The following CAST variants were observed in gnomAD, a reference collection of about 807,000 sequenced individuals.
The protein encoded by CAST is calpastatin.
CAST carries 76 observed loss-of-function variants against 119.6 expected under a neutral mutation model. The observed-to-expected ratio is 0.64, with a 90% CI of 0.53 to 0.77. The LOEUF is 0.77. Among genes scored for constraint, CAST ranks in the 30% least tolerant of loss-of-function variants. The pLI, the probability that CAST is intolerant of heterozygous loss-of-function variation, is 0.00. For synonymous variants in CAST, 319 were observed against 331.6 expected (o/e 0.96, Z 0.41); for missense variants, 953 against 946.5 (o/e 1.01, Z -0.09).
At chr5:96,764,216 G>C (rs1220835285) in intron 25 of CAST, among the ~76,000 whole-genome samples, 1 of 152,100 alleles carries the variant, frequency 6.6e-6, no homozygotes, top group Non-Finnish European at 1.5e-5. Flanking sequence ...TTTACCATTT[G>C]TTGGGTCCTA....
chr5:96,459,665 T>C, the CAST span, among the ~76,000 whole-genome samples: 1 of 152,148 alleles, frequency 6.6e-6, no homozygotes, highest in Non-Finnish European at 1.5e-5. Flanking sequence ...GCAGAATAAT[T>C]AAGAAATAAT....
intron 1 of CAST, among the ~76,000 whole-genome samples, chr5:96,621,550 C>T (rs1227639972): frequency 2.6e-5 from 4 of 152,146 alleles, no homozygotes; most frequent in Non-Finnish European, 5.9e-5. Context: ...GAGAAACTGT[C>T]AGGCACTTAC....
chr5:96,236,860 CTG>C, the CAST span, among the ~76,000 whole-genome samples: 1 of 152,170 alleles, frequency 6.6e-6, no homozygotes. Flanking sequence ...ATAAAGTACT[CTG>C]TTACATTCCT....
chr5:96,169,040 C>T, the CAST span, among the ~76,000 whole-genome samples: 12 of 152,228 alleles, frequency 7.9e-5, no homozygotes, highest in South Asian at 2.1e-4. Flanking sequence ...CTACAGGGCG[C>T]GGTCCCGGCT....
chr5:95,965,496 A>G, the CAST span, among the ~76,000 whole-genome samples: 1 of 152,238 alleles, frequency 6.6e-6, no homozygotes, highest in Non-Finnish European at 1.5e-5. Context: ...ATTCTTATTA[A>G]TGTCTTAATA....
the CAST span, among the ~76,000 whole-genome samples, chr5:96,270,102 A>G: frequency 1.7e-4 from 26 of 152,346 alleles, no homozygotes; most frequent in Non-Finnish European, 3.1e-4. Flanking sequence ...AAATCAATAA[A>G]CATGATACAT....
the CAST span, among the ~76,000 whole-genome samples, chr5:96,061,656 T>TGTGTGTGTGA: frequency 1.3e-4 from 19 of 151,916 alleles, no homozygotes; most frequent in East Asian, 1.7e-3. Flanking sequence ...TGTGTGTGTG[T>TGTGTGTGTGA]GTGTGTGTGT....
At chr5:96,246,187 C>CTTTT in the CAST span, among the ~76,000 whole-genome samples, 18 of 76,410 alleles carry the variant, frequency 2.4e-4, 3 homozygotes, top group East Asian at 4.6e-3. Flanking sequence ...GTCTGTCTTC[C>CTTTT]TTTTTTTTTT....
the CAST span, among the ~76,000 whole-genome samples, chr5:96,469,070 A>G: frequency 6.6e-6 from 1 of 152,210 alleles, no homozygotes; most frequent in African/African-American, 2.4e-5. Flanking sequence ...CACTGTCTCT[A>G]TGTCTTGCTC....
chr5:96,133,373 G>A, the CAST span, among the ~76,000 whole-genome samples: 2 of 151,978 alleles, frequency 1.3e-5, no homozygotes, highest in African/African-American at 2.4e-5. Flanking sequence ...GAGAGAAAAA[G>A]GATGTGGGGA....
At chr5:96,298,567 T>C in the CAST span, among the ~76,000 whole-genome samples, 3 of 152,246 alleles carry the variant, frequency 2.0e-5, no homozygotes, top group South Asian at 6.2e-4. Context: ...GCCTGGCAAA[T>C]GGGAAGTTTA....
At chr5:96,667,989 C>T (rs1376346753) in intron 1 of CAST, among the ~76,000 whole-genome samples, 12 of 151,952 alleles carry the variant, frequency 7.9e-5, no homozygotes, top group African/African-American at 7.3e-5. Context: ...CACTCCAGCC[C>T]GGGCGACAGA....
At chr5:96,313,014 G>A in the CAST span, among the ~76,000 whole-genome samples, 3 of 152,124 alleles carry the variant, frequency 2.0e-5, no homozygotes, top group South Asian at 2.1e-4. Context: ...GGCTGAAAAT[G>A]GTTGATTGAC....
At position 96,532,656 on chromosome 5, in the gene CAST, C is replaced by T. The variant is rs141172070; in HGVS notation, c.60+2776C>T. On this transcript the variant is annotated intron_variant, in intron 1 of 11. Transcript: ENST00000505143. ...CCTGAGATCAGGAGTTCAAGACCAG[C>T]GTGGCCAACATGGTGAAATCCTGTC... Among the ~76,000 whole-genome samples the T allele has an allele frequency of 4.1e-3, 620 of 152,196 alleles. 11 individuals are homozygous for T. Among genetic ancestry groups the T allele is most frequent in the Admixed American group, 0.032 (493 of 15,282 alleles).
chr5:96,068,933 A>C, the CAST span, among the ~76,000 whole-genome samples: 2 of 150,656 alleles, frequency 1.3e-5, no homozygotes, highest in Non-Finnish European at 3.0e-5. Flanking sequence ...TTACATGTAT[A>C]CATACATGAA....
the CAST span, among the ~76,000 whole-genome samples, chr5:96,384,875 G>A: frequency 6.6e-6 from 1 of 152,168 alleles, no homozygotes; most frequent in South Asian, 2.1e-4. Flanking sequence ...CTATTGAGAA[G>A]TCCTACAGTG....
At chr5:96,742,077 C>T (rs957437002) in intron 15 of CAST, 2 of 160,434 alleles carry the variant, frequency 1.2e-5, no homozygotes, top group Admixed American at 5.9e-5. Context: ...TGCTCAGGAA[C>T]GGTTTCTATC....
At chr5:96,393,794 G>A in the CAST span, among the ~76,000 whole-genome samples, 1 of 152,210 alleles carries the variant, frequency 6.6e-6, no homozygotes, top group Admixed American at 6.5e-5. Flanking sequence ...GGTAGCATGG[G>A]TGTGCCTTCC....
chr5:96,203,731 C>T, the CAST span, among the ~76,000 whole-genome samples: 1 of 152,068 alleles, frequency 6.6e-6, no homozygotes, highest in South Asian at 2.1e-4. Flanking sequence ...TTGATTTTAT[C>T]CACAAACCCT....
Sources: allele counts gnomAD v4.1 joint callset (sites outside exome capture counted in the v4.1 genomes callset), GRCh38; gene constraint gnomAD v4.1.1; transcripts MANE v1.5; gene names NCBI Gene and HGNC (gene_info 2026-07-23, HGNC 2026-07-21).